PRRT3: variants seen among roughly 807,000 people sequenced by gnomAD.
The protein encoded by PRRT3 is proline-rich transmembrane protein 3.
In PRRT3, 48 loss-of-function variants were observed where a neutral mutation model predicts 56.6. The observed-to-expected ratio is 0.85, with a 90% confidence interval of 0.67 to 1.08. The LOEUF (loss-of-function observed/expected upper bound fraction) is 1.08, where lower values mean the gene tolerates loss of function less well. Ranked by LOEUF, PRRT3 falls within the 50% of genes least tolerant of loss-of-function variation. The pLI, the probability that PRRT3 is intolerant of heterozygous loss-of-function variation, is 0.00. For synonymous variants in PRRT3, 641 were observed against 619.1 expected (o/e 1.04, Z -0.52); for missense variants, 1,370 against 1,353.1 (o/e 1.01, Z -0.20).
chr3:9,951,431 A>G (rs1216228684), intron 1 of PRRT3, among the ~76,000 whole-genome samples: 2 of 152,150 alleles, frequency 1.3e-5, no homozygotes, highest in African/African-American at 2.4e-5. Flanking sequence ...CGGGGAAAAG[A>G]CCCAGGCTCA....
chr3:9,947,362 A>G lies in PRRT3; in HGVS notation c.1811T>C (p.Leu604Ser), dbSNP rs2085543967. 1 of 1,611,412 alleles carries G rather than the reference A, an allele frequency of 6.2e-7. No homozygotes were observed. Among genetic ancestry groups the G allele is most frequent in the Non-Finnish European group, 8.5e-7 (1 of 1,179,300 alleles). The change falls in exon 4 of 4, where the codon TTG becomes TCG. Residue 604 changes from leucine (L) to serine (S), a missense_variant. Physicochemically the swap from Leu to Ser is moderately radical, Grantham distance 145 (BLOSUM62 -2). Coordinates refer to ENST00000412055, the MANE Select transcript of PRRT3 (RefSeq NM_207351.5). The surrounding 1 kb of genome is among the most constrained non-coding windows in gnomAD (Gnocchi z 9.2). ...CACGGCCGCGCCCCAGGCGCACGAC[A>G]AGCCCTGCGTCAGGAGGTTGAGCAC... ...WSVLNLLTQG[L>S]SCAWGAAVAL...
chr3:9,951,596 C>T (rs1006971049), intron 1 of PRRT3, among the ~76,000 whole-genome samples: 7 of 152,316 alleles, frequency 4.6e-5, no homozygotes, highest in Non-Finnish European at 7.4e-5. Context: ...GTGCTGGGGG[C>T]CCAGAGACAG....
chr3:9,946,317 G>A lies in PRRT3; in HGVS notation c.2856C>T (p.Ala952=), dbSNP rs775203469. 3.0e-5 allele frequency: 49 copies of A among 1,612,522 alleles called. No individual in the cohort carries two copies. Among genetic ancestry groups the A allele is most frequent in the Non-Finnish European group, 4.1e-5 (48 of 1,179,802 alleles). The change falls in exon 4 of 4, where the codon GCC becomes GCT. Residue 952 remains alanine, a synonymous_variant. Transcript: ENST00000412055. This position sits in a 1 kb window ranked among gnomAD's most constrained non-coding sequence, Gnocchi z 4.1. ...PAPTPAPDST[A]ARQGDGQGEV... is the part of the protein sequence containing the mutation. Reference sequence around the variant, plus strand: ...CTCCCTGGCCGTCCCCCTGCCGAGCGGCGGTAGAATCAGGGGCTGGGGTCG... The same window carrying A: ...CTCCCTGGCCGTCCCCCTGCCGAGCAGCGGTAGAATCAGGGGCTGGGGTCG...
Position 9,950,148 on chromosome 3 carries a change from A to C in PRRT3, c.-33T>G, listed in dbSNP as rs1575663705. 7.2e-7 allele frequency: 1 copy of C among 1,390,070 alleles called. No homozygotes were observed. 86.1% of individuals were successfully genotyped at this position (1,390,070 alleles called of 1,614,324 possible). A position where few individuals can be genotyped will look rare whatever the true frequency, so the allele number is the denominator to read the frequency against. On this transcript the variant is annotated 5_prime_UTR_variant, in exon 2 of 4. Coordinates refer to ENST00000412055, the MANE Select transcript of PRRT3 (RefSeq NM_207351.5). Reference sequence around the variant, plus strand: ...TCCGATGCCTGGGCCTAAAGCCCCCACCTTCCAGTCCTCACTGGATGAGCC... The same window carrying C: ...TCCGATGCCTGGGCCTAAAGCCCCCCCCTTCCAGTCCTCACTGGATGAGCC...
intron 3 of PRRT3, 141 bp from the exon 4 acceptor site, chr3:9,948,142 T>G (rs1275054986): frequency 2.4e-5 from 21 of 886,570 alleles, no homozygotes; most frequent in Non-Finnish European, 3.1e-5. Flanking sequence ...CATTGCGTTG[T>G]GAAGAAGATG....
Position 9,947,082 on chromosome 3 carries a change from C to T in PRRT3, c.2091G>A (p.Ala697=), listed in dbSNP as rs1222402973. ...LTWALALALA[A]VAAARPRPPT... is the part of the protein sequence containing the mutation. The stretch of plus-strand genomic sequence containing the variant: ...GCGGCCTGGGTCTCGCGGCAGCCAC[C>T]GCGGCCAACGCCAGGGCGAGCGCCC... Residue 697 remains alanine (A), a synonymous_variant, in exon 4 of 4, where the codon GCG becomes GCA. Transcript: ENST00000412055. The surrounding 1 kb of genome is among the most constrained non-coding windows in gnomAD (Gnocchi z 9.2). 2 of 1,534,480 alleles carry T rather than the reference C, an allele frequency of 1.3e-6. No individual in the cohort carries two copies. The highest frequency in any genetic ancestry group is 1.2e-5 in the South Asian group (1 of 83,862).
rs371564936 is a variant in PRRT3 at position 9,948,031 on chromosome 3, T to C, written c.1172-30A>G. The C allele has an allele frequency of 2.0e-3, 2,553 of 1,293,836 alleles. 4 individuals carry two copies. The highest frequency in any genetic ancestry group is 2.6e-3 in the Middle Eastern group (13 of 5,060). The allele number at this position is 1,293,836 out of a possible 1,614,324, so 80.1% of individuals were successfully genotyped here. ...AATTATAACAATATTAAAATAGCCA[T>C]TTGAAAAGTGCTTTTGATTTTGTAT... is the stretch of plus-strand genomic sequence containing the variant. On this transcript the variant is annotated intron_variant, in intron 3 of 3. Transcript: ENST00000412055.
intron 2 of PRRT3, 53 bp from the exon 3 acceptor site, chr3:9,948,966 A>G: frequency 6.6e-7 from 1 of 1,522,952 alleles, no homozygotes; most frequent in African/African-American, 1.4e-5. Context: ...GGTCCTCCTA[A>G]TCCCTCAGGA....
chr3:9,946,016 AGACG>A lies in PRRT3; in HGVS notation c.*207_*210del. On this transcript the variant is annotated 3_prime_UTR_variant, in exon 4 of 4. Coordinates refer to ENST00000412055, the MANE Select transcript of PRRT3 (RefSeq NM_207351.5). The surrounding 1 kb of genome is among the most constrained non-coding windows in gnomAD (Gnocchi z 4.1). ...GCTAATTTTTTTGTATTTTTAGTAGAGACGAGGGTTTCGCTATGTTCGAGACCAG... is the reference window on the plus strand; with the variant it reads ...GCTAATTTTTTTGTATTTTTAGTAGAAGGGTTTCGCTATGTTCGAGACCAG... The A allele has an allele frequency of 1.5e-6, 1 of 671,836 alleles. No individual in the cohort carries two copies. Among genetic ancestry groups the A allele is most frequent in the Non-Finnish European group, 2.3e-6 (1 of 428,598 alleles). 41.6% of individuals were successfully genotyped at this position (671,836 alleles called of 1,614,324 possible).
Position 9,946,581 on chromosome 3 carries a change from G to C in PRRT3, c.2592C>G (p.Gly864=). 2.8e-6 allele frequency: 4 copies of C among 1,406,420 alleles called. No individual in the cohort carries two copies. Among genetic ancestry groups the C allele is most frequent in the Non-Finnish European group, 2.8e-6 (3 of 1,083,368 alleles). The allele number at this position is 1,406,420 out of a possible 1,614,324, so 87.1% of individuals were successfully genotyped here. The change falls in exon 4 of 4, where the codon GGC becomes GGG. Residue 864 remains glycine (G), a synonymous_variant. Transcript: ENST00000412055. This position sits in a 1 kb window ranked among gnomAD's most constrained non-coding sequence, Gnocchi z 4.1. ...TGCAGCGGCCGCGGAGGAGCGAGGA[G>C]CCAGCGTCGTCGAGCTCGGCTTTGG... ...SHPKAELDDA[G]SSLLRGRCRS... is the part of the protein sequence containing the mutation.
Position 9,948,784 on chromosome 3 carries a change from T to C in PRRT3, c.1145A>G (p.Glu382Gly). ...TGGCTGCAGGGCCCCCATGGGGCTC[T>C]CTGTTCGGTTTACAGCTGGGCCAGG... Reference protein sequence around the residue: ...SDPGPAVNRTESPMGALQPDE... With the variant: ...SDPGPAVNRTGSPMGALQPDE... The change falls in exon 3 of 4, where the codon GAG (glutamate) becomes GGG (glycine). Residue 382 changes from glutamate (E) to glycine (G), a missense_variant. Coordinates refer to ENST00000412055, the MANE Select transcript of PRRT3 (RefSeq NM_207351.5). 1.2e-6 allele frequency: 2 copies of C among 1,613,950 alleles called. No homozygotes were observed. Among genetic ancestry groups the C allele is most frequent in the South Asian group, 1.1e-5 (1 of 91,080 alleles).
chr3:9,950,838 A>G (rs1447678704), intron 1 of PRRT3, among the ~76,000 whole-genome samples: 3 of 152,196 alleles, frequency 2.0e-5, no homozygotes, highest in Non-Finnish European at 4.4e-5. Flanking sequence ...TTCAAAAATG[A>G]GAGACGTGGA....
chr3:9,950,822 G>T (rs1397160794), intron 1 of PRRT3, among the ~76,000 whole-genome samples: 1 of 152,152 alleles, frequency 6.6e-6, no homozygotes, highest in African/African-American at 2.4e-5. Context: ...ATTCCTAAAG[G>T]CCCACTTCAA....
intron 1 of PRRT3, among the ~76,000 whole-genome samples, chr3:9,951,406 C>G (rs961825370): frequency 6.6e-6 from 1 of 152,174 alleles, no homozygotes; most frequent in Non-Finnish European, 1.5e-5. Context: ...CCACTGAAAA[C>G]CCCTGGTGCT....
At chr3:9,950,537 C>G (rs370679376) in intron 1 of PRRT3, among the ~76,000 whole-genome samples, 7 of 152,372 alleles carry the variant, frequency 4.6e-5, no homozygotes, top group African/African-American at 1.7e-4. Flanking sequence ...GAGTCTTGCT[C>G]TGTCGCTCAG....
In PRRT3 at chr3:9,949,956, C is replaced by CT; in HGVS notation, c.159dup (p.Glu54ArgfsTer6). On this transcript the variant is annotated frameshift_variant, in exon 2 of 4. Transcript: ENST00000412055. LOFTEE classifies it high-confidence loss of function. The surrounding 1 kb of genome is among the most constrained non-coding windows in gnomAD (Gnocchi z 4.5). ...GGGAACACGTCAAAGGCCTGGGGCTCTGAGCCCACAGAGCCCTTGGGGTGG... is the reference window on the plus strand; with the variant it reads ...GGGAACACGTCAAAGGCCTGGGGCTCTTGAGCCCACAGAGCCCTTGGGGTGG... The CT allele has an allele frequency of 6.3e-7, 1 of 1,585,364 alleles. No homozygotes were observed. Among genetic ancestry groups the CT allele is most frequent in the Non-Finnish European group, 8.6e-7 (1 of 1,167,608 alleles).
At position 9,949,594 on chromosome 3, in the gene PRRT3, A is replaced by G. The variant is rs1156880048; in HGVS notation, c.522T>C (p.His174=). The G allele has an allele frequency of 1.2e-6, 2 of 1,613,992 alleles. No homozygotes were observed. Among genetic ancestry groups the G allele is most frequent in the Non-Finnish European group, 1.7e-6 (2 of 1,180,044 alleles). ...RVATVPPSLQ[H]EGQEGQWPPR... is the part of the protein sequence containing the mutation. The stretch of plus-strand genomic sequence containing the variant: ...GTGGCCACTGTCCCTCTTGGCCTTC[A>G]TGCTGCAGGGAGGGAGGAACTGTGG... The change falls in exon 2 of 4, where the codon CAT becomes CAC. Residue 174 remains histidine, a synonymous_variant. Transcript: ENST00000412055. This position sits in a 1 kb window ranked among gnomAD's most constrained non-coding sequence, Gnocchi z 4.5.
At chr3:9,948,102 T>C in intron 3 of PRRT3, 101 bp from the exon 4 acceptor site, 2 of 1,237,428 alleles carry the variant, frequency 1.6e-6, no homozygotes, top group South Asian at 3.7e-5. Flanking sequence ...TCCAAACAAA[T>C]CTGCAAAATG....
At chr3:9,948,692 C>G in intron 3 of PRRT3, 66 bp downstream of exon 3, 1 of 1,585,872 alleles carries the variant, frequency 6.3e-7, no homozygotes. Context: ...CCCATACATC[C>G]CCAACAGAGG....
Sources: allele counts gnomAD v4.1 joint callset (sites outside exome capture counted in the v4.1 genomes callset), GRCh38; gene constraint gnomAD v4.1.1; non-coding constraint Gnocchi (gnomAD v3.1); transcripts MANE v1.5; gene names NCBI Gene and HGNC (gene_info 2026-07-23, HGNC 2026-07-21).